The following SRC variants were observed in gnomAD, a reference collection of about 807,000 sequenced individuals.
SRC encodes the protein proto-oncogene tyrosine-protein kinase Src.
A neutral mutation model predicts 62.9 loss-of-function variants in SRC; 13 were observed. The observed-to-expected ratio is 0.21, with a 90% CI of 0.13 to 0.33. The LOEUF is 0.33. SRC is among the 10% of genes least tolerant of loss of function. The probability of loss-of-function intolerance (pLI) is 1.00; values close to 1 mark genes in which losing one functional copy is unlikely to be tolerated. For missense variants in SRC, 457 were observed against 737.3 expected, an observed-to-expected ratio of 0.62 and a Z score of 4.40; for synonymous variants, 302 against 317.5, an observed-to-expected ratio of 0.95 and a Z score of 0.52.
chr20:37,385,264 G>C (rs767663202), intron 4 of SRC, among the ~76,000 whole-genome samples: 2 of 152,206 alleles, frequency 1.3e-5, no homozygotes, highest in African/African-American at 2.4e-5. Flanking sequence ...AACACTCAGA[G>C]ACACACGGAC....
At chr20:37,394,950 T>G (rs2070617780) in intron 7 of SRC, among the ~76,000 whole-genome samples, 1 of 152,108 alleles carries the variant, frequency 6.6e-6, no homozygotes, top group Admixed American at 6.6e-5. Context: ...GAATTGTCTG[T>G]GTGTTGCTGT....
In SRC at chr20:37,402,213, T is replaced by G; in HGVS notation, c.1117-222T>G. ...CGGATCTCGTGCCTCCCCTTTGACC[T>G]TTGCCTTCTGCCCTCTGCTCTGTGC... is the stretch of plus-strand genomic sequence containing the variant. On this transcript the variant is annotated intron_variant, in intron 11 of 13. Coordinates refer to ENST00000373578, the MANE Select transcript of SRC (RefSeq NM_198291.3). The surrounding 1 kb of genome is among the most constrained non-coding windows in gnomAD (Gnocchi z 6.2). 1 of 521,954 alleles carries G rather than the reference T, an allele frequency of 1.9e-6. No homozygotes were observed. Among genetic ancestry groups the G allele is most frequent in the East Asian group, 3.3e-5 (1 of 30,270 alleles). 32.3% of individuals were successfully genotyped at this position (521,954 alleles called of 1,614,324 possible).
At chr20:37,373,975 CAT>C (rs770375803) in intron 2 of SRC, among the ~76,000 whole-genome samples, 34 of 151,388 alleles carry the variant, frequency 2.2e-4, no homozygotes, top group Non-Finnish European at 2.9e-5. Flanking sequence ...TACTCTTATT[CAT>C]ATGTTTTTAC....
chr20:37,393,507 C>T (rs2070586993), intron 5 of SRC, among the ~76,000 whole-genome samples: 1 of 152,226 alleles, frequency 6.6e-6, no homozygotes, highest in Non-Finnish European at 1.5e-5. Flanking sequence ...TACTTGCCCG[C>T]AGAGACAGGG....
Position 37,384,181 on chromosome 20 carries a change from G to A in SRC, c.28G>A (p.Asp10Asn), listed in dbSNP as rs1251001677. ...GGGTAGCAACAAGAGCAAGCCCAAG[G>A]ATGCCAGCCAGCGGCGCCGCAGCCT... MGSNKSKPK[D>N]ASQRRRSLEP... The change falls in exon 4 of 14, where the codon GAT (aspartate) becomes AAT (asparagine). Residue 10 changes from aspartate to asparagine, a missense_variant. Asp to Asn is a conservative substitution (Grantham distance 23). Around this residue, in one of 4 missense-constraint regions of SRC, gnomAD observed 132 missense variants for 135.4 expected, o/e 0.98. Coordinates refer to ENST00000373578, the MANE Select transcript of SRC (RefSeq NM_198291.3). The surrounding 1 kb of genome is among the most constrained non-coding windows in gnomAD (Gnocchi z 6.7). 5 of 1,599,686 alleles carry A rather than the reference G, an allele frequency of 3.1e-6. No individual in the cohort carries two copies. The highest frequency in any genetic ancestry group is 4.6e-5 in the East Asian group (2 of 43,468).
intron 5 of SRC, among the ~76,000 whole-genome samples, chr20:37,389,004 A>C (rs1343721072): frequency 6.6e-6 from 1 of 151,954 alleles, no homozygotes; most frequent in Non-Finnish European, 1.5e-5. Context: ...GGGCCCAGGC[A>C]CGTGTGGAGG....
At chr20:37,347,936 C>T (rs965504137) in intron 1 of SRC, among the ~76,000 whole-genome samples, 1 of 152,186 alleles carries the variant, frequency 6.6e-6, no homozygotes, top group South Asian at 2.1e-4. Flanking sequence ...ACAGCAGTGT[C>T]GGAAAAGACT....
At chr20:37,401,702 C>A (rs1354429838) in intron 11 of SRC, 24 bp downstream of exon 11, 1 of 1,590,932 alleles carries the variant, frequency 6.3e-7, no homozygotes, top group Non-Finnish European at 8.6e-7. Context: ...TCCCGCCTCC[C>A]CACACCCTTG....
rs370767993 is a variant in SRC, at chr20:37,396,139, C to T, written c.554-23C>T. 23 of 1,606,726 alleles carry T rather than the reference C, an allele frequency of 1.4e-5. No homozygotes were observed. The highest frequency in any genetic ancestry group is 1.3e-4 in the African/African-American group (10 of 74,858). On this transcript the variant is annotated intron_variant, in intron 7 of 13. Transcript: ENST00000373578. This position sits in a 1 kb window ranked among gnomAD's most constrained non-coding sequence, Gnocchi z 6.1. The stretch of plus-strand genomic sequence containing the variant: ...GCGGGGGGAGAGGGCATGGCGGTCA[C>T]GGCTCCCCTCGGTGCCCCGCAGGTG...
intron 1 of SRC, among the ~76,000 whole-genome samples, chr20:37,350,980 C>T (rs1260504405): frequency 1.3e-5 from 2 of 152,240 alleles, no homozygotes; most frequent in Non-Finnish European, 2.9e-5. Flanking sequence ...CAGGGCAAAT[C>T]ATCTACGCTG....
chr20:37,356,575 C>G (rs1457898117), intron 1 of SRC, among the ~76,000 whole-genome samples: 2 of 152,162 alleles, frequency 1.3e-5, no homozygotes, highest in East Asian at 3.9e-4. Context: ...TCCATCCTTT[C>G]CTCGAAGACG....
intron 2 of SRC, among the ~76,000 whole-genome samples, chr20:37,369,444 G>A (rs2070127424): frequency 6.6e-6 from 1 of 151,886 alleles, no homozygotes; most frequent in Non-Finnish European, 1.5e-5. Flanking sequence ...ATTCTTCATT[G>A]CCAACCTATA....
intron 11 of SRC, 185 bp downstream of exon 11, chr20:37,401,863 G>T: frequency 2.0e-6 from 1 of 496,438 alleles, no homozygotes; most frequent in South Asian, 3.6e-5. Context: ...GGTGATTCTG[G>T]GCAGCAGAAG....
intron 7 of SRC, among the ~76,000 whole-genome samples, chr20:37,395,719 C>T (rs1423140094): frequency 1.3e-5 from 2 of 152,228 alleles, no homozygotes; most frequent in Non-Finnish European, 2.9e-5. Context: ...AGCAGTTAGG[C>T]CAGGGCCACA....
chr20:37,368,464 A>G (rs1468244668), intron 2 of SRC, among the ~76,000 whole-genome samples: 8 of 125,994 alleles, frequency 6.3e-5, no homozygotes, highest in African/African-American at 2.2e-4. Context: ...AACCAACCAA[A>G]CAAACAAAAA....
At chr20:37,372,578 G>A (rs2070182629) in intron 2 of SRC, among the ~76,000 whole-genome samples, 1 of 152,034 alleles carries the variant, frequency 6.6e-6, no homozygotes, top group Non-Finnish European at 1.5e-5. Context: ...ATTTATTGAG[G>A]CTTGTTTTAT....
At chr20:37,344,746 C>T (rs1266996821), upstream of SRC, 1 of 152,294 alleles carries the variant, frequency 6.6e-6, no homozygotes, top group African/African-American at 2.4e-5. Flanking sequence ...GCTGTGGCAC[C>T]TCAAGCAGCC....
At chr20:37,357,318 C>T (rs950682495) in intron 1 of SRC, among the ~76,000 whole-genome samples, 1 of 152,240 alleles carries the variant, frequency 6.6e-6, no homozygotes, top group Non-Finnish European at 1.5e-5. Context: ...TGGCCAACAT[C>T]TGGCTGTGAG....
intron 2 of SRC, among the ~76,000 whole-genome samples, chr20:37,366,858 A>G (rs1416153568): frequency 6.6e-6 from 1 of 152,132 alleles, no homozygotes; most frequent in Non-Finnish European, 1.5e-5. Flanking sequence ...GTATAGACAT[A>G]TGTTTTTCAT....
Sources: allele counts gnomAD v4.1 joint callset (sites outside exome capture counted in the v4.1 genomes callset), GRCh38; gene constraint gnomAD v4.1.1; regional missense constraint gnomAD v4.1.1; non-coding constraint Gnocchi (gnomAD v3.1); transcripts MANE v1.5; gene names NCBI Gene and HGNC (gene_info 2026-07-23, HGNC 2026-07-21).